The following AGRN variants were observed in gnomAD, a reference collection of about 807,000 sequenced individuals.
The protein encoded by AGRN is agrin proteoglycan.
A neutral mutation model predicts 211.0 loss-of-function variants in AGRN; 106 were observed. The ratio of observed to expected loss-of-function variants is 0.50; its 90% CI spans 0.43 to 0.59. AGRN has a LOEUF of 0.59. Ranked by LOEUF, AGRN falls within the 20% of genes least tolerant of loss-of-function variation. The pLI is 0.00. For missense variants in AGRN, 3,040 were observed against 2,982.6 expected (o/e 1.02, Z -0.45); for synonymous variants, 1,525 against 1,332.5 (o/e 1.14, Z -3.15).
chr1:1,049,235 G>C lies in AGRN; in HGVS notation c.4299-1G>C. The C allele has an allele frequency of 6.3e-7, 1 of 1,579,956 alleles. No homozygotes were observed. Among genetic ancestry groups the C allele is most frequent in the Non-Finnish European group, 8.6e-7 (1 of 1,169,164 alleles). Reference sequence around the variant, plus strand: ...TCCTGAGCACCTGCTCCTGCCCTCAGGTTTGACACAGGTTCGGGGCCGGCG... The same window carrying C: ...TCCTGAGCACCTGCTCCTGCCCTCACGTTTGACACAGGTTCGGGGCCGGCG... On this transcript the variant is annotated splice_acceptor_variant, in intron 24 of 35. Coordinates refer to ENST00000379370, the MANE Select transcript of AGRN (RefSeq NM_198576.4). LOFTEE classifies it high-confidence loss of function.
chr1:1,046,414 A>C lies in AGRN; in HGVS notation c.2929A>C (p.Thr977Pro). 6.2e-7 allele frequency: 1 copy of C among 1,610,388 alleles called. No individual in the cohort carries two copies. ...GPCQEAVAPS[T>P]HPTSASVTVT... ...CCTTGCAGAGGCTGTTGCTCCCAGCACTCACCCGACATCTGCCTCCGTGAC... is the reference window on the plus strand; with the variant it reads ...CCTTGCAGAGGCTGTTGCTCCCAGCCCTCACCCGACATCTGCCTCCGTGAC... Residue 977 changes from threonine to proline, a missense_variant, in exon 18 of 36, where the codon ACT becomes CCT. Thr to Pro is a conservative substitution (Grantham distance 38, BLOSUM62 -1). Coordinates refer to ENST00000379370, the MANE Select transcript of AGRN (RefSeq NM_198576.4).
intron 2 of AGRN, among the ~76,000 whole-genome samples, chr1:1,026,686 G>A (rs992759881): frequency 6.6e-6 from 1 of 152,104 alleles, no homozygotes; most frequent in South Asian, 2.1e-4. Flanking sequence ...GGGCTCCCCA[G>A]GGCCCCCGAA....
chr1:1,049,637 G>T lies in AGRN; in HGVS notation c.4586G>T (p.Arg1529Leu), dbSNP rs369873010. The T allele has an allele frequency of 1.9e-6, 3 of 1,588,056 alleles. No individual in the cohort carries two copies. Among genetic ancestry groups the T allele is most frequent in the South Asian group, 1.1e-5 (1 of 87,738 alleles). ...CGTTTGCTGGACGTCAACAACCAGC[G>T]CCTGGAGCTTGGCATTGGGCCGGGG... ...CIRLLDVNNQ[R>L]LELGIGPGAA... is the part of the protein sequence containing the mutation. The change falls in exon 26 of 36, where the codon CGC (arginine) becomes CTC (leucine). Residue 1529 changes from arginine to leucine, a missense_variant. By Grantham distance (102) the Arg-to-Leu change is moderately radical. This residue lies in a region of AGRN where 1,537 missense variants were observed against 1,505.0 expected (regional missense o/e 1.02). Coordinates refer to ENST00000379370, the MANE Select transcript of AGRN (RefSeq NM_198576.4).
intron 7 of AGRN, 95 bp downstream of exon 7, chr1:1,042,257 C>T (rs1001584179): frequency 1.6e-5 from 23 of 1,423,986 alleles, no homozygotes; most frequent in African/African-American, 8.4e-5. Flanking sequence ...TCATGTTCCT[C>T]TTGGGGTCCT....
chr1:1,045,937 C>T, intron 15 of AGRN, 27 bp from the exon 16 acceptor site: 1 of 1,612,614 alleles, frequency 6.2e-7, no homozygotes, highest in Non-Finnish European at 8.5e-7. Flanking sequence ...ACCCGAGCCA[C>T]AGAGGTTTCC....
intron 1 of AGRN, 63 bp downstream of exon 1, chr1:1,020,436 C>T: frequency 6.9e-7 from 1 of 1,452,560 alleles, no homozygotes; most frequent in Non-Finnish European, 9.2e-7. Context: ...GACCCCCGCC[C>T]CAGGCCGTGG....
At position 1,053,793 on chromosome 1, in the gene AGRN, C is replaced by T. The variant is rs745544694; in HGVS notation, c.5692C>T (p.Arg1898Cys). 1.7e-5 allele frequency: 27 copies of T among 1,610,152 alleles called. No homozygotes were observed. The highest frequency in any genetic ancestry group is 1.7e-4 in the Middle Eastern group (1 of 6,012). ...LQSNHFELSL[R>C]TEATQGLVLW... ...GAGCAACCACTTTGAACTGAGCCTG[C>T]GCACTGAGGCCACGCAGGGGCTGGT... is the stretch of plus-strand genomic sequence containing the variant. The change falls in exon 34 of 36, where the codon CGC becomes TGC. Residue 1898 changes from arginine to cysteine, a missense_variant. This residue lies in a region of AGRN where 1,537 missense variants were observed against 1,505.0 expected (regional missense o/e 1.02). Transcript: ENST00000379370.
At chr1:1,051,677 CG>C (rs1238466196) in intron 32 of AGRN, 32 bp downstream of exon 32, 1 of 1,612,772 alleles carries the variant, frequency 6.2e-7, no homozygotes, top group Non-Finnish European at 8.5e-7. Context: ...GGGCGGAGGC[CG>C]GATGGGCCCG....
Position 1,040,836 on chromosome 1 carries a change from G to A in AGRN, c.683G>A (p.Cys228Tyr). Residue 228 changes from cysteine to tyrosine, a missense_variant, in exon 4 of 36, where the codon TGC becomes TAC. Transcript: ENST00000379370. ...SNECELQRAQ[C>Y]SQQRRIRLLS... ...GAATGCGAGCTGCAGCGGGCGCAGTGCAGCCAGCAGCGCCGCATCCGCCTG... is the reference window on the plus strand; with the variant it reads ...GAATGCGAGCTGCAGCGGGCGCAGTACAGCCAGCAGCGCCGCATCCGCCTG... The A allele has an allele frequency of 6.5e-7, 1 of 1,534,638 alleles. No homozygotes were observed. Among genetic ancestry groups the A allele is most frequent in the Admixed American group, 2.0e-5 (1 of 50,974 alleles).
chr1:1,040,080 C>G (rs1249842404), intron 3 of AGRN, among the ~76,000 whole-genome samples: 2 of 152,188 alleles, frequency 1.3e-5, no homozygotes, highest in African/African-American at 4.8e-5. Flanking sequence ...GCCTCACACC[C>G]CGTCCCGGTG....
At chr1:1,041,029 A>G (rs1455818917) in intron 4 of AGRN, 144 bp from the exon 5 acceptor site, 17 of 368,354 alleles carry the variant, frequency 4.6e-5, no homozygotes, top group African/African-American at 2.1e-4. Flanking sequence ...TGGGGGGCGG[A>G]GCGGGGCGGG....
chr1:1,022,685 AG>A (rs905206307), intron 2 of AGRN, among the ~76,000 whole-genome samples: 1 of 152,202 alleles, frequency 6.6e-6, no homozygotes, highest in African/African-American at 2.4e-5. Flanking sequence ...GCCCAAGGCA[AG>A]TCCCAGCCCT....
chr1:1,025,548 C>A (rs1644501571), intron 2 of AGRN, among the ~76,000 whole-genome samples: 1 of 152,062 alleles, frequency 6.6e-6, no homozygotes, highest in Non-Finnish European at 1.5e-5. Context: ...CAGCTCCTGC[C>A]CCCAACTCCT....
chr1:1,033,104 T>C (rs1219012923), intron 2 of AGRN, among the ~76,000 whole-genome samples: 1 of 152,000 alleles, frequency 6.6e-6, no homozygotes, highest in African/African-American at 2.4e-5. Flanking sequence ...GAACGGCCTC[T>C]TGGGGGCGTT....
rs556437109 is a variant in AGRN, at chr1:1,042,497, C to G, written c.1384+335C>G. 7.9e-5 allele frequency among the ~76,000 whole-genome samples: 12 copies of G among 152,260 alleles called. No individual in the cohort carries two copies. The South Asian group carries it at 2.5e-3, about 32-fold the overall frequency. On this transcript the variant is annotated intron_variant, in intron 7 of 35. Coordinates refer to ENST00000379370, the MANE Select transcript of AGRN (RefSeq NM_198576.4). Reference sequence around the variant, plus strand: ...GCTGGACACAACACCAGGGTCCTCACTCTTGGGACATGGGCAGCCGTCGGC... The same window carrying G: ...GCTGGACACAACACCAGGGTCCTCAGTCTTGGGACATGGGCAGCCGTCGGC...
chr1:1,022,205 G>A lies in AGRN; in HGVS notation c.206G>A (p.Arg69Gln), dbSNP rs774003955. 11 of 1,612,858 alleles carry A rather than the reference G, an allele frequency of 6.8e-6. No individual in the cohort carries two copies. Among genetic ancestry groups the A allele is most frequent in the Admixed American group, 3.3e-5 (2 of 60,010 alleles). ...PVQHTYSCKV[R>Q]VWRYLKGKDL... ...CTACCGCCATGTCCACCCCAGGTTC[G>A]GGTCTGGCGGTACTTGAAGGGCAAA... is the stretch of plus-strand genomic sequence containing the variant. Residue 69 changes from arginine (R) to glutamine (Q), a missense_variant, in exon 2 of 36, where the codon CGG becomes CAG. By Grantham distance (43) the Arg-to-Gln change is conservative. Transcript: ENST00000379370.
intron 33 of AGRN, 125 bp downstream of exon 33, chr1:1,051,940 T>TC: frequency 6.5e-7 from 1 of 1,549,136 alleles, no homozygotes; most frequent in Non-Finnish European, 8.7e-7. Context: ...CTCCCGCCTC[T>TC]CTCTCACCTC....
intron 2 of AGRN, among the ~76,000 whole-genome samples, chr1:1,028,119 A>G (rs1644558829): frequency 6.6e-6 from 1 of 152,068 alleles, no homozygotes; most frequent in South Asian, 2.1e-4. Context: ...GGGGCTTCCC[A>G]GGGAAGCCGG....
At chr1:1,054,790 C>A (rs1157611185) in intron 35 of AGRN, 34 bp from the exon 36 acceptor site, 4 of 1,543,086 alleles carry the variant, frequency 2.6e-6, no homozygotes, top group South Asian at 1.2e-5. Context: ...ATCACTGAGT[C>A]ACAGCCGGGT....
Sources: gnomAD v4.1 joint callset for allele counts (sites outside exome capture counted in the v4.1 genomes callset) on GRCh38, gnomAD v4.1.1 for gene constraint, gnomAD v4.1.1 regional missense constraint, MANE v1.5 for transcripts, NCBI Gene and HGNC (gene_info 2026-07-23, HGNC 2026-07-21) for gene names.